The following IGF2 variants were observed in gnomAD, a reference collection of about 807,000 sequenced individuals.
IGF2 encodes insulin-like growth factor 2.
IGF2 carries 2 observed loss-of-function variants against 12.0 expected under a neutral mutation model. That is an observed-to-expected ratio of 0.17 (90% confidence interval 0.07 to 0.52). The LOEUF (loss-of-function observed/expected upper bound fraction) is 0.52, where lower values mean the gene tolerates loss of function less well. IGF2 is among the 20% of genes least tolerant of loss of function. The pLI, the probability that IGF2 is intolerant of heterozygous loss-of-function variation, is 0.95. For synonymous variants in IGF2, 105 were observed against 110.1 expected (o/e 0.95, Z 0.29); for missense variants, 211 against 268.0 (o/e 0.79, Z 1.48).
intron 1 of IGF2, among the ~76,000 whole-genome samples, chr11:2,137,625 C>T (rs2133600987): frequency 6.6e-6 from 1 of 152,258 alleles, no homozygotes; most frequent in East Asian, 1.9e-4. Context: ...AAGGCTCTGC[C>T]CTTCTTAGCC....
the IGF2 span, chr11:2,149,104 C>T: frequency 1.9e-6 from 3 of 1,605,770 alleles, no homozygotes; most frequent in Non-Finnish European, 1.7e-6. Flanking sequence ...CTCTCACACT[C>T]AAGGGATGGG....
rs1357877607 is a variant in IGF2, at chr11:2,130,259, A to AC, written c.*2727dup. ...CTGACACCTGAGGAGACCCTGCCCAACCCCCCCCTCCGCCCTCAGGACTTC... is the reference window on the plus strand; with the variant it reads ...CTGACACCTGAGGAGACCCTGCCCAACCCCCCCCCTCCGCCCTCAGGACTTC... On this transcript the variant is annotated 3_prime_UTR_variant, in exon 4 of 4. Coordinates refer to ENST00000416167, the MANE Select transcript of IGF2 (RefSeq NM_000612.6). The AC allele has an allele frequency of 3.1e-4, 70 of 223,618 alleles. No individual in the cohort carries two copies. The highest frequency in any genetic ancestry group is 1.3e-3 in the Middle Eastern group (1 of 746). 13.9% of individuals were successfully genotyped at this position (223,618 alleles called of 1,614,324 possible).
At chr11:2,138,120 G>A (rs1326578876) in intron 1 of IGF2, 109 bp downstream of exon 1, 4 of 664,794 alleles carry the variant, frequency 6.0e-6, no homozygotes, top group Non-Finnish European at 7.4e-6. Flanking sequence ...CCGCCCCGCC[G>A]AGCCCCGCAG....
At position 2,138,959 on chromosome 11, in the gene IGF2, G is replaced by A. The variant is rs909453584; in HGVS notation, c.-737C>T. On this transcript the variant is annotated 5_prime_UTR_variant, in exon 1 of 4. Coordinates refer to ENST00000416167, the MANE Select transcript of IGF2 (RefSeq NM_000612.6). Reference sequence around the variant, plus strand: ...CTCTGCCGTCGCGAGCCCGGGCCTCGGGAGGGGGACAGGCGGTGGCGGCAC... The same window carrying A: ...CTCTGCCGTCGCGAGCCCGGGCCTCAGGAGGGGGACAGGCGGTGGCGGCAC... 4 of 982,280 alleles carry A rather than the reference G, an allele frequency of 4.1e-6. No homozygotes were observed. The African/African-American group carries it at 5.3e-5, about 13-fold the overall frequency. 60.8% of individuals were successfully genotyped at this position (982,280 alleles called of 1,614,324 possible).
Position 2,139,206 on chromosome 11 carries a change from CCGCGGACGG to C in IGF2, c.-993_-985del, listed in dbSNP as rs1422446667. The C allele has an allele frequency of 2.6e-5, 4 of 151,246 alleles. No individual in the cohort carries two copies. The highest frequency in any genetic ancestry group is 2.6e-4 in the Admixed American group (4 of 15,212). 9.4% of individuals were successfully genotyped at this position (151,246 alleles called of 1,614,324 possible). On this transcript the variant is annotated 5_prime_UTR_variant, in exon 1 of 4. Coordinates refer to ENST00000416167, the MANE Select transcript of IGF2 (RefSeq NM_000612.6). ...TCCGCAGGCCCGGCGGAGCGCGACC[CCGCGGACGG>C]CGCCCGGGACGGGAGTCAGCAGCGA...
chr11:2,146,004 G>A (rs1411145784), upstream of IGF2, among the ~76,000 whole-genome samples: 1 of 152,006 alleles, frequency 6.6e-6, no homozygotes, highest in Non-Finnish European at 1.5e-5. Context: ...GAGCTTGGCC[G>A]GCAGGAACTT....
chr11:2,149,300 C>A, the IGF2 span: 3 of 1,613,488 alleles, frequency 1.9e-6, no homozygotes, highest in Non-Finnish European at 1.7e-6. Context: ...GGCGTCCAGA[C>A]CCTCTGGCCA....
At position 2,138,705 on chromosome 11, in the gene IGF2, G is replaced by T. The variant is rs1283836758; in HGVS notation, c.-483C>A. The stretch of plus-strand genomic sequence containing the variant: ...GCGAAGGCGAGAGGGCGGGCGTGAG[G>T]GGGGGAGGGAGTCGGAGGCTAGGAG... On this transcript the variant is annotated 5_prime_UTR_variant, in exon 1 of 4. Coordinates refer to ENST00000416167, the MANE Select transcript of IGF2 (RefSeq NM_000612.6). 4 of 768,788 alleles carry T rather than the reference G, an allele frequency of 5.2e-6. No homozygotes were observed. The highest frequency in any genetic ancestry group is 6.0e-5 in the South Asian group (1 of 16,694). The allele number at this position is 768,788 out of a possible 1,614,324, so 47.6% of individuals were successfully genotyped here. A position where few individuals can be genotyped will look rare whatever the true frequency, so the allele number is the denominator to read the frequency against.
chr11:2,144,947 A>G (rs1165192167), upstream of IGF2, among the ~76,000 whole-genome samples: 1 of 152,150 alleles, frequency 6.6e-6, no homozygotes, highest in Non-Finnish European at 1.5e-5. Context: ...GGCCTTGGAC[A>G]GGTGTGGGGA....
rs373460456 is a variant in IGF2, at chr11:2,133,482, C to T, written c.306+35G>A. Reference sequence around the variant, plus strand: ...GGCGCCCGAAGCCCTATTTCTCTGTCTCTAGAGAGTGGGAAAGGGGCCCAG... The same window carrying T: ...GGCGCCCGAAGCCCTATTTCTCTGTTTCTAGAGAGTGGGAAAGGGGCCCAG... On this transcript the variant is annotated intron_variant, in intron 3 of 3. Transcript: ENST00000416167. This position sits in a 1 kb window ranked among gnomAD's most constrained non-coding sequence, Gnocchi z 8.9. The T allele has an allele frequency of 1.1e-5, 18 of 1,595,150 alleles. No homozygotes were observed. Among genetic ancestry groups the T allele is most frequent in the Non-Finnish European group, 1.5e-5 (17 of 1,171,436 alleles).
At chr11:2,147,243 C>T in the IGF2 span, 1 of 246,398 alleles carries the variant, frequency 4.1e-6, no homozygotes, top group Non-Finnish European at 7.7e-6. The surrounding 1 kb of genome is among the most constrained non-coding windows in gnomAD (Gnocchi z 7.2). Flanking sequence ...CACTTTCTGC[C>T]CCCCATCTTC....
the IGF2 span, chr11:2,146,676 A>C: frequency 1.5e-5 from 4 of 269,726 alleles, no homozygotes; most frequent in East Asian, 1.0e-4. Flanking sequence ...TTGAAAGAAC[A>C]CTCCCGGCTT....
In IGF2 at chr11:2,138,481, A is replaced by G; in HGVS notation, c.-259T>C. ...GATGTTGTACTTTTCGGGGGGGAAA[A>G]GGTATCGGGAAATGAGGTCAGCTGT... is the stretch of plus-strand genomic sequence containing the variant. On this transcript the variant is annotated 5_prime_UTR_variant, in exon 1 of 4. Transcript: ENST00000416167. The G allele has an allele frequency of 1.1e-6, 1 of 920,444 alleles. No homozygotes were observed. The highest frequency in any genetic ancestry group is 1.3e-6 in the Non-Finnish European group (1 of 785,722). The allele number at this position is 920,444 out of a possible 1,614,324, so 57.0% of individuals were successfully genotyped here. A position where few individuals can be genotyped will look rare whatever the true frequency, so the allele number is the denominator to read the frequency against.
rs1418405820 is a variant in IGF2 at position 2,131,755 on chromosome 11, A to ATG, written c.*1230_*1231dup. 7.5e-6 allele frequency: 1 copy of ATG among 133,022 alleles called. No homozygotes were observed. Among genetic ancestry groups the ATG allele is most frequent in the African/African-American group, 3.7e-5 (1 of 26,698 alleles). The allele number at this position is 133,022 out of a possible 1,614,324, so 8.2% of individuals were successfully genotyped here. A position where few individuals can be genotyped will look rare whatever the true frequency, so the allele number is the denominator to read the frequency against. The stretch of plus-strand genomic sequence containing the variant: ...GTTCGCGTGTGTGTGCTGTGTGTGC[A>ATG]TGTGTGTGCTGTGTCTTTGTGTGTG... On this transcript the variant is annotated 3_prime_UTR_variant, in exon 4 of 4. Transcript: ENST00000416167.
chr11:2,146,459 C>T, the IGF2 span: 5 of 524,646 alleles, frequency 9.5e-6, no homozygotes, highest in African/African-American at 3.9e-5. Flanking sequence ...ACTAAGGACC[C>T]GAACTGCAAC....
the IGF2 span, chr11:2,148,835 C>G: frequency 2.2e-6 from 1 of 458,464 alleles, no homozygotes; most frequent in East Asian, 3.9e-5. The surrounding 1 kb of genome is among the most constrained non-coding windows in gnomAD (Gnocchi z 4.3). Flanking sequence ...CCCTACCCCT[C>G]CCATTTTGCT....
At chr11:2,142,090 G>A (rs1859633081), upstream of IGF2, among the ~76,000 whole-genome samples, 1 of 152,042 alleles carries the variant, frequency 6.6e-6, no homozygotes, top group African/African-American at 2.4e-5. This position sits in a 1 kb window ranked among gnomAD's most constrained non-coding sequence, Gnocchi z 5.7. Context: ...CCATGCCTGG[G>A]ATTTCTTGGG....
chr11:2,135,201 C>T (rs1858914865), intron 2 of IGF2, among the ~76,000 whole-genome samples, 166 bp downstream of exon 2: 1 of 152,214 alleles, frequency 6.6e-6, no homozygotes, highest in South Asian at 2.1e-4. Flanking sequence ...TGTGGATGCC[C>T]TGGGACACCG....
In IGF2 at chr11:2,132,948, G is replaced by C; in HGVS notation, c.*39C>G. On this transcript the variant is annotated 3_prime_UTR_variant, in exon 4 of 4. Transcript: ENST00000416167. ...CGTCCGTGGTCAGGAGGAGGCTGCA[G>C]GATGGTGGCGCCGGGCTGCAGACTT... The C allele has an allele frequency of 7.4e-7, 1 of 1,358,412 alleles. No homozygotes were observed. Among genetic ancestry groups the C allele is most frequent in the Non-Finnish European group, 1.0e-6 (1 of 998,994 alleles). The allele number at this position is 1,358,412 out of a possible 1,614,324, so 84.1% of individuals were successfully genotyped here. A position where few individuals can be genotyped will look rare whatever the true frequency, so the allele number is the denominator to read the frequency against.
Sources: gnomAD v4.1 joint callset for allele counts (sites outside exome capture counted in the v4.1 genomes callset) on GRCh38, gnomAD v4.1.1 for gene constraint, Gnocchi (gnomAD v3.1) non-coding constraint, MANE v1.5 for transcripts, NCBI Gene and HGNC (gene_info 2026-07-23, HGNC 2026-07-21) for gene names.